UNC13B: variants seen among roughly 807,000 people sequenced by gnomAD.
UNC13B encodes the protein unc-13 homolog B.
A neutral mutation model predicts 211.0 loss-of-function variants in UNC13B; 144 were observed. The observed-to-expected ratio is 0.68, with a 90% CI of 0.60 to 0.78. UNC13B has a LOEUF of 0.78. Among genes scored for constraint, UNC13B ranks in the 30% least tolerant of loss-of-function variants. UNC13B has a pLI of 0.00. For missense variants in UNC13B, 1,777 were observed against 2,002.0 expected (o/e 0.89, Z 2.14); for synonymous variants, 709 against 725.8 (o/e 0.98, Z 0.37).
At chr9:35,310,854 T>C (rs753703091) in intron 10 of UNC13B, 73 bp downstream of exon 10, 17 of 1,426,850 alleles carry the variant, frequency 1.2e-5, no homozygotes, top group Admixed American at 2.1e-5. Flanking sequence ...TGAAAATAAG[T>C]GATTGTCATT....
At chr9:35,266,640 G>A (rs1051632121) in intron 7 of UNC13B, among the ~76,000 whole-genome samples, 2 of 152,186 alleles carry the variant, frequency 1.3e-5, no homozygotes, top group Non-Finnish European at 2.9e-5. Flanking sequence ...TAAAAGTATT[G>A]AGGCAAACTA....
intron 1 of UNC13B, among the ~76,000 whole-genome samples, chr9:35,170,449 A>G (rs1040373748): frequency 2.0e-5 from 3 of 151,864 alleles, no homozygotes; most frequent in African/African-American, 7.3e-5. Context: ...TACAGATGTG[A>G]GCCACCACGC....
At chr9:35,358,496 G>A (rs1231034214) in intron 11 of UNC13B, among the ~76,000 whole-genome samples, 1 of 152,016 alleles carries the variant, frequency 6.6e-6, no homozygotes, top group Non-Finnish European at 1.5e-5. Flanking sequence ...TTAAGTAATA[G>A]CCATTGTAAT....
chr9:35,233,206 C>T (rs1356669562), intron 3 of UNC13B, among the ~76,000 whole-genome samples: 1 of 152,168 alleles, frequency 6.6e-6, no homozygotes, highest in Admixed American at 6.5e-5. Context: ...GTTTATAAAC[C>T]TAGCACTTCC....
At chr9:35,381,033 C>A in intron 18 of UNC13B, 67 bp from the exon 19 acceptor site, 1 of 1,498,406 alleles carries the variant, frequency 6.7e-7, no homozygotes, top group Non-Finnish European at 9.1e-7. Context: ...TTGGGTTAAG[C>A]CAGAATGGAA....
intron 5 of UNC13B, 68 bp from the exon 6 acceptor site, chr9:35,243,223 G>T: frequency 6.8e-7 from 1 of 1,477,472 alleles, no homozygotes; most frequent in Admixed American, 1.7e-5. Flanking sequence ...AGAGTAAAGT[G>T]TTATCTGCTG....
At chr9:35,347,344 C>T (rs988512530) in intron 11 of UNC13B, among the ~76,000 whole-genome samples, 1 of 152,204 alleles carries the variant, frequency 6.6e-6, no homozygotes, top group African/African-American at 2.4e-5. Context: ...TCATGCAGTT[C>T]AACTGACTTG....
chr9:35,384,107 C>T (rs2132272364), intron 21 of UNC13B, 139 bp from the exon 22 acceptor site: 1 of 1,340,056 alleles, frequency 7.5e-7, no homozygotes, highest in Admixed American at 2.2e-5. Context: ...TTGTTCTTCC[C>T]ATGGGCAGGG....
At position 35,398,546 on chromosome 9, in the gene UNC13B, G is replaced by A; in HGVS notation, c.11833-8G>A. On this transcript the variant is annotated splice_polypyrimidine_tract_variant and splice_region_variant and intron_variant, in intron 31 of 39. Transcript: ENST00000635942. ...CAGCCTAGCCAGGCTTACCTCCTGT[G>A]AATACAGCTGGACCTTGAAGCTGCA... The A allele has an allele frequency of 6.2e-7, 1 of 1,613,742 alleles. No individual in the cohort carries two copies. Among genetic ancestry groups the A allele is most frequent in the Non-Finnish European group, 8.5e-7 (1 of 1,179,912 alleles).
intron 11 of UNC13B, among the ~76,000 whole-genome samples, chr9:35,344,956 T>C (rs1288828674): frequency 6.6e-6 from 1 of 152,188 alleles, no homozygotes; most frequent in Non-Finnish European, 1.5e-5. Flanking sequence ...GATACAGTTA[T>C]GAACAAAACA....
intron 11 of UNC13B, among the ~76,000 whole-genome samples, chr9:35,330,506 T>C (rs1373605814): frequency 1.3e-5 from 2 of 152,232 alleles, no homozygotes; most frequent in African/African-American, 2.4e-5. Context: ...GGGTAACTTA[T>C]CTATGGATGA....
At chr9:35,356,730 C>T (rs1833046519) in intron 11 of UNC13B, among the ~76,000 whole-genome samples, 1 of 152,080 alleles carries the variant, frequency 6.6e-6, no homozygotes, top group African/African-American at 2.4e-5. Flanking sequence ...TTTCCATCAC[C>T]CCATAAGAAA....
chr9:35,277,244 C>A (rs2131708320), intron 7 of UNC13B, among the ~76,000 whole-genome samples: 1 of 152,262 alleles, frequency 6.6e-6, no homozygotes, highest in Non-Finnish European at 1.5e-5. Context: ...GCAGTATTTT[C>A]TGGAAGATGG....
intron 7 of UNC13B, among the ~76,000 whole-genome samples, chr9:35,271,349 C>T (rs1827869462): frequency 6.6e-6 from 1 of 151,954 alleles, no homozygotes; most frequent in African/African-American, 2.4e-5. Flanking sequence ...TAGCAGATGC[C>T]AGGAGACGCA....
At chr9:35,203,216 T>G (rs531580150) in intron 1 of UNC13B, among the ~76,000 whole-genome samples, 1 of 152,326 alleles carries the variant, frequency 6.6e-6, no homozygotes, top group Non-Finnish European at 1.5e-5. Context: ...TAGCTGGTTG[T>G]TTTGCTTGTT....
At chr9:35,270,627 C>T (rs1827823441) in intron 7 of UNC13B, among the ~76,000 whole-genome samples, 1 of 152,140 alleles carries the variant, frequency 6.6e-6, no homozygotes, top group Middle Eastern at 3.4e-3. Flanking sequence ...CATAAGATTA[C>T]AAAACCACCA....
intron 1 of UNC13B, chr9:35,227,751 G>A: frequency 2.7e-6 from 1 of 369,976 alleles, no homozygotes; most frequent in Non-Finnish European, 4.8e-6. Context: ...GCCTGCCACA[G>A]GAGTAACTTA....
intron 11 of UNC13B, among the ~76,000 whole-genome samples, chr9:35,317,970 A>G (rs756268288): frequency 6.6e-6 from 1 of 152,154 alleles, no homozygotes; most frequent in Non-Finnish European, 1.5e-5. Flanking sequence ...AGCCTTATCC[A>G]TGTAAAAGGA....
chr9:35,375,841 C>T (rs2132219274), intron 14 of UNC13B, among the ~76,000 whole-genome samples, 187 bp from the exon 15 acceptor site: 1 of 152,218 alleles, frequency 6.6e-6, no homozygotes. Context: ...ATTAGCTGGG[C>T]ATGGTAGCAT....
Sources: allele counts gnomAD v4.1 joint callset (sites outside exome capture counted in the v4.1 genomes callset), GRCh38; gene constraint gnomAD v4.1.1; transcripts MANE v1.5; gene names NCBI Gene and HGNC (gene_info 2026-07-23, HGNC 2026-07-21).